TTC28: variants seen among roughly 807,000 people sequenced by gnomAD.
TTC28 encodes tetratricopeptide repeat domain 28, also known as tetratricopeptide repeat protein 28.
In TTC28, 61 loss-of-function variants were observed where a neutral mutation model predicts 198.0. That is an observed-to-expected ratio of 0.31 (90% CI 0.25 to 0.38). The LOEUF is 0.38. Among genes scored for constraint, TTC28 ranks in the 10% least tolerant of loss-of-function variants. The probability of loss-of-function intolerance (pLI) is 1.00; values close to 1 mark genes in which losing one functional copy is unlikely to be tolerated. For missense variants in TTC28, 2,678 were observed against 3,164.0 expected, an observed-to-expected ratio of 0.85 and a Z score of 3.69; for synonymous variants, 1,171 against 1,297.8, an observed-to-expected ratio of 0.90 and a Z score of 2.10.
intron 2 of TTC28, among the ~76,000 whole-genome samples, chr22:28,357,019 T>C (rs897596991): frequency 4.6e-5 from 7 of 152,168 alleles, no homozygotes; most frequent in Non-Finnish European, 8.8e-5. Context: ...TAGAACATCA[T>C]AGTCCACAGA....
intron 2 of TTC28, among the ~76,000 whole-genome samples, chr22:28,531,988 C>T (rs1266531713): frequency 6.6e-6 from 1 of 152,078 alleles, no homozygotes; most frequent in African/African-American, 2.4e-5. Flanking sequence ...CCTAACATCA[C>T]AATTAAAAGA....
At chr22:28,306,710 C>T in intron 2 of TTC28, 67 bp from the exon 3 acceptor site, 1 of 1,502,728 alleles carries the variant, frequency 6.7e-7, no homozygotes, top group East Asian at 2.5e-5. Context: ...TGATTCTTTA[C>T]TAGAACAACA....
chr22:28,395,226 A>G (rs868493154), intron 2 of TTC28, among the ~76,000 whole-genome samples: 3 of 152,154 alleles, frequency 2.0e-5, no homozygotes, highest in South Asian at 2.1e-4. Context: ...ACACATACAA[A>G]TATCTGCCAT....
At chr22:28,228,464 C>A (rs1405835638) in intron 5 of TTC28, among the ~76,000 whole-genome samples, 1 of 152,156 alleles carries the variant, frequency 6.6e-6, no homozygotes, top group Non-Finnish European at 1.5e-5. Flanking sequence ...CTTTGGAAGA[C>A]CGAGGCAGGG....
chr22:28,361,243 T>C (rs2046153846), intron 2 of TTC28, among the ~76,000 whole-genome samples: 1 of 152,148 alleles, frequency 6.6e-6, no homozygotes, highest in South Asian at 2.1e-4. Flanking sequence ...CAAGACAGGC[T>C]AAAAGCTAGG....
At chr22:28,389,955 T>C (rs1420816661) in intron 2 of TTC28, among the ~76,000 whole-genome samples, 2 of 151,778 alleles carry the variant, frequency 1.3e-5, no homozygotes, top group Non-Finnish European at 2.9e-5. Context: ...TTTTAGATCT[T>C]TCCTGCTTTC....
chr22:28,174,829 T>A (rs964080267), intron 5 of TTC28, among the ~76,000 whole-genome samples: 6 of 152,282 alleles, frequency 3.9e-5, no homozygotes, highest in South Asian at 2.1e-4. Context: ...CAACACATAA[T>A]CTTGGTAAAT....
At chr22:28,536,083 A>C (rs1192896127) in intron 2 of TTC28, among the ~76,000 whole-genome samples, 4 of 150,692 alleles carry the variant, frequency 2.7e-5, no homozygotes, top group Non-Finnish European at 5.9e-5. Flanking sequence ...CTGTAGTCCC[A>C]GCTACTAGGA....
In TTC28 at chr22:27,998,964, G is replaced by A. The variant is rs1180237187; in HGVS notation, c.4695C>T (p.Asn1565=). ...ALVLTPSMDG[N]PASSKSSFGH... is the part of the protein sequence containing the mutation. ...CGAAGGAGCTCTTGCTGCTGGCAGGGTTGCCGTCCATGCTGGGCGTGAGGA... is the reference window on the plus strand; with the variant it reads ...CGAAGGAGCTCTTGCTGCTGGCAGGATTGCCGTCCATGCTGGGCGTGAGGA... Residue 1565 remains asparagine, a synonymous_variant, in exon 16 of 23, where the codon AAC becomes AAT. Coordinates refer to ENST00000397906, the MANE Select transcript of TTC28 (RefSeq NM_001145418.2). The A allele has an allele frequency of 6.4e-7, 1 of 1,550,752 alleles. No individual in the cohort carries two copies. Among genetic ancestry groups the A allele is most frequent in the African/African-American group, 1.4e-5 (1 of 73,142 alleles).
At chr22:28,243,536 CCCCTTACACTGTGTGAGTTTTG>C (rs1382447741) in intron 5 of TTC28, among the ~76,000 whole-genome samples, 3 of 151,712 alleles carry the variant, frequency 2.0e-5, no homozygotes, top group African/African-American at 7.3e-5. Context: ...GAAAAGTACT[CCCCTTACACTGTGTGAGTTTTG>C]ATGCTATCAT....
At chr22:28,192,834 C>A (rs544486947) in intron 5 of TTC28, among the ~76,000 whole-genome samples, 2 of 152,264 alleles carry the variant, frequency 1.3e-5, no homozygotes, top group South Asian at 4.1e-4. Context: ...CTGAAAGTGA[C>A]TGAGAGAATG....
In TTC28 at chr22:28,107,990, G is replaced by T. The variant is rs1942368389; in HGVS notation, c.1855C>A (p.Gln619Lys). 6.4e-7 allele frequency: 1 copy of T among 1,551,462 alleles called. No homozygotes were observed. The highest frequency in any genetic ancestry group is 1.4e-5 in the African/African-American group (1 of 73,042). The change falls in exon 7 of 23, where the codon CAG becomes AAG. Residue 619 changes from glutamine (Q) to lysine (K), a missense_variant. By Grantham distance (53) the Gln-to-Lys change is moderately conservative (BLOSUM62 1). Transcript: ENST00000397906. ...EYVQAAPYYE[Q>K]YLRLAPDLQD... ...AGGTCGGGAGCAAGCCGGAGGTACTGTTCATAATAGGGGGCAGCCTGGACA... is the reference window on the plus strand; with the variant it reads ...AGGTCGGGAGCAAGCCGGAGGTACTTTTCATAATAGGGGGCAGCCTGGACA...
intron 5 of TTC28, among the ~76,000 whole-genome samples, chr22:28,242,593 T>C (rs1929734524): frequency 6.6e-6 from 1 of 152,312 alleles, no homozygotes; most frequent in African/African-American, 2.4e-5. Flanking sequence ...CTCTAAGCCT[T>C]GAATTAAAGA....
At chr22:28,015,110 C>G (rs930376034) in intron 13 of TTC28, among the ~76,000 whole-genome samples, 4 of 152,274 alleles carry the variant, frequency 2.6e-5, no homozygotes, top group Non-Finnish European at 4.4e-5. Flanking sequence ...TTCACTGATT[C>G]ATTCATTCAC....
At chr22:28,547,346 A>G (rs184587577) in intron 2 of TTC28, among the ~76,000 whole-genome samples, 1 of 152,150 alleles carries the variant, frequency 6.6e-6, no homozygotes, top group Non-Finnish European at 1.5e-5. Flanking sequence ...ATGCAGGCAA[A>G]GATTCATTTA....
intron 6 of TTC28, among the ~76,000 whole-genome samples, chr22:28,132,989 G>A (rs924402732): frequency 3.9e-5 from 6 of 152,138 alleles, no homozygotes; most frequent in Non-Finnish European, 5.9e-5. Flanking sequence ...TTTGGGAGGC[G>A]GAGGTGGGCA....
Position 28,344,520 on chromosome 22 carries a change from A to G in TTC28, c.382-37877T>C, listed in dbSNP as rs563239153. Among the ~76,000 whole-genome samples, 12 of 152,308 alleles carry G rather than the reference A, an allele frequency of 7.9e-5. No individual in the cohort carries two copies. In the East Asian group the frequency reaches 2.3e-3, roughly 29 times the overall value. On this transcript the variant is annotated intron_variant, in intron 2 of 22. Coordinates refer to ENST00000397906, the MANE Select transcript of TTC28 (RefSeq NM_001145418.2). The stretch of plus-strand genomic sequence containing the variant: ...ATCTCTAACATGCTGAAAGATCTAG[A>G]AAGTTTAAAAGAAATATAATTGAAA...
intron 12 of TTC28, among the ~76,000 whole-genome samples, chr22:28,073,129 C>T (rs10483142): frequency 0.067 from 10,134 of 152,062 alleles, 396 homozygotes; most frequent in South Asian, 0.088. Flanking sequence ...TCAACAGCAA[C>T]AAATGAAAGG....
At chr22:28,670,869 T>G (rs75766087) in intron 1 of TTC28, among the ~76,000 whole-genome samples, 2,943 of 152,070 alleles carry the variant, frequency 0.019, 30 homozygotes, top group Non-Finnish European at 0.026. Flanking sequence ...GTACTTGTTA[T>G]TGTCTATCTT....
Sources: allele counts gnomAD v4.1 joint callset (sites outside exome capture counted in the v4.1 genomes callset), GRCh38; gene constraint gnomAD v4.1.1; transcripts MANE v1.5; gene names NCBI Gene and HGNC (gene_info 2026-07-23, HGNC 2026-07-21).